Variants in XPNPEP3 observed in about 807,000 individuals in gnomAD.
The protein encoded by XPNPEP3 is xaa-Pro aminopeptidase 3.
In XPNPEP3, 41 loss-of-function variants were observed where a neutral mutation model predicts 60.0. The ratio of observed to expected loss-of-function variants is 0.68; its 90% confidence interval spans 0.53 to 0.89. The LOEUF (loss-of-function observed/expected upper bound fraction) is 0.89, where lower values mean the gene tolerates loss of function less well. XPNPEP3 is among the 40% of genes least tolerant of loss of function. The pLI, the probability that XPNPEP3 is intolerant of heterozygous loss-of-function variation, is 0.00. For missense variants in XPNPEP3, 598 were observed against 638.9 expected, an observed-to-expected ratio of 0.94 and a Z score of 0.69; for synonymous variants, 212 against 223.2, an observed-to-expected ratio of 0.95 and a Z score of 0.45.
chr22:40,888,960 G>A (rs1401632171), intron 4 of XPNPEP3, among the ~76,000 whole-genome samples: 2 of 152,038 alleles, frequency 1.3e-5, no homozygotes, highest in East Asian at 3.9e-4. Context: ...TTTCCCTAAT[G>A]ATTAGTGGTG....
chr22:40,914,495 A>G (rs887334566), intron 7 of XPNPEP3, among the ~76,000 whole-genome samples, 171 bp downstream of exon 7: 4 of 141,834 alleles, frequency 2.8e-5, no homozygotes, highest in Admixed American at 1.4e-4. Context: ...ATATCACTGG[A>G]TGAGGCACAT....
intron 7 of XPNPEP3, among the ~76,000 whole-genome samples, chr22:40,916,052 G>C (rs1028523757): frequency 6.6e-6 from 1 of 152,104 alleles, no homozygotes; most frequent in African/African-American, 2.4e-5. Context: ...TAGCACTTTG[G>C]GGGGCCGAGG....
At position 40,913,131 on chromosome 22, in the gene XPNPEP3, A is replaced by G. The variant is rs549544057; in HGVS notation, c.970-1108A>G. ...ATGACAATTAGAAAGTTAGAGATAT[A>G]CTTAAAGTTTTCTTCTTTCCCCACA... is the stretch of plus-strand genomic sequence containing the variant. On this transcript the variant is annotated intron_variant, in intron 6 of 9. Coordinates refer to ENST00000357137, the MANE Select transcript of XPNPEP3 (RefSeq NM_022098.4). Among the ~76,000 whole-genome samples, 400 of 152,258 alleles carry G rather than the reference A, an allele frequency of 2.6e-3. 1 individual carries two copies. Among genetic ancestry groups the G allele is most frequent in the Non-Finnish European group, 4.8e-3 (326 of 68,018 alleles).
At chr22:40,906,982 AT>A (rs1311089735) in intron 4 of XPNPEP3, 56 of 444,090 alleles carry the variant, frequency 1.3e-4, no homozygotes, top group African/African-American at 1.0e-3. Context: ...ATGGTCACTT[AT>A]CCCATCTATG....
intron 1 of XPNPEP3, chr22:40,861,850 C>T (rs748296592): frequency 6.2e-7 from 1 of 1,613,688 alleles, no homozygotes; most frequent in East Asian, 2.2e-5. Flanking sequence ...GCCTCAGCTA[C>T]TTCTTTGAAT....
At chr22:40,861,384 A>G in intron 1 of XPNPEP3, 1 of 1,613,600 alleles carries the variant, frequency 6.2e-7, no homozygotes. Flanking sequence ...ACTTTCAATA[A>G]TTTTCTTTGT....
At chr22:40,869,357 A>C (rs188722620) in intron 2 of XPNPEP3, among the ~76,000 whole-genome samples, 23 of 152,268 alleles carry the variant, frequency 1.5e-4, no homozygotes, top group African/African-American at 5.3e-4. Flanking sequence ...TGCTTTATTG[A>C]CAATACTAGT....
chr22:40,890,575 CAAAT>C (rs747920242), intron 4 of XPNPEP3, among the ~76,000 whole-genome samples: 1 of 151,854 alleles, frequency 6.6e-6, no homozygotes, highest in African/African-American at 2.4e-5. Flanking sequence ...ATAAAATTAA[CAAAT>C]AAGATGGCTG....
intron 6 of XPNPEP3, 88 bp downstream of exon 6, chr22:40,909,323 T>C: frequency 4.0e-6 from 4 of 1,008,424 alleles, no homozygotes; most frequent in Non-Finnish European, 6.3e-6. Context: ...CACCTTCAGC[T>C]TTCACAAATT....
chr22:40,916,800 C>T (rs1035215667), intron 7 of XPNPEP3, among the ~76,000 whole-genome samples: 5 of 152,136 alleles, frequency 3.3e-5, no homozygotes, highest in African/African-American at 1.2e-4. Context: ...CTTTAAAACA[C>T]AAAGGACAGC....
chr22:40,862,267 C>T, intron 1 of XPNPEP3: 2 of 1,147,662 alleles, frequency 1.7e-6, no homozygotes, highest in African/African-American at 1.6e-5. Context: ...AGAGTCGTAC[C>T]AGACCATCCT....
intron 4 of XPNPEP3, 96 bp downstream of exon 4, chr22:40,886,611 G>A (rs2058069901): frequency 8.8e-7 from 1 of 1,141,264 alleles, no homozygotes; most frequent in East Asian, 2.5e-5. Context: ...GGATCATGAG[G>A]TCAGGAGATC....
chr22:40,909,009 C>T (rs1476434954), intron 5 of XPNPEP3, 113 bp from the exon 6 acceptor site: 1 of 815,936 alleles, frequency 1.2e-6, no homozygotes, highest in Non-Finnish European at 2.1e-6. Context: ...GAATAGCTTC[C>T]CAGTAATGAC....
Position 40,868,930 on chromosome 22 carries a change from A to G in XPNPEP3, c.65-69A>G, listed in dbSNP as rs2057992282. 5.0e-6 allele frequency: 6 copies of G among 1,196,106 alleles called. No individual in the cohort carries two copies. In the South Asian group the frequency reaches 6.1e-5, roughly 12 times the overall value. 74.1% of individuals were successfully genotyped at this position (1,196,106 alleles called of 1,614,324 possible). A position where few individuals can be genotyped will look rare whatever the true frequency, so the allele number is the denominator to read the frequency against. ...CTAAAGCATCTAAACTGCTAGAGAT[A>G]AGTGTATTTATACCATGAAGACTTT... On this transcript the variant is annotated intron_variant, in intron 1 of 9. Transcript: ENST00000357137.
At chr22:40,871,323 A>G (rs1205752021) in intron 2 of XPNPEP3, among the ~76,000 whole-genome samples, 7 of 152,198 alleles carry the variant, frequency 4.6e-5, no homozygotes, top group African/African-American at 1.7e-4. Flanking sequence ...TCTGCACTCC[A>G]TCTTGGGTGA....
At chr22:40,903,631 A>G (rs2058143262) in intron 4 of XPNPEP3, among the ~76,000 whole-genome samples, 1 of 151,958 alleles carries the variant, frequency 6.6e-6, no homozygotes, top group Admixed American at 6.6e-5. Flanking sequence ...CTGGAATTAC[A>G]GGTGCCCGCC....
chr22:40,926,474 G>C lies in XPNPEP3; in HGVS notation c.*39G>C, dbSNP rs777363571. ...CCACATGCACCTCAGGTTCAAAATG[G>C]GTGTCTTCTGGCAGCCCTGCACGTG... is the stretch of plus-strand genomic sequence containing the variant. On this transcript the variant is annotated 3_prime_UTR_variant, in exon 10 of 10. Transcript: ENST00000357137. 18 of 1,611,996 alleles carry C rather than the reference G, an allele frequency of 1.1e-5. No individual in the cohort carries two copies. The Admixed American group carries it at 3.0e-4, about 27-fold the overall frequency.
intron 3 of XPNPEP3, among the ~76,000 whole-genome samples, chr22:40,883,375 G>T (rs2058055973): frequency 6.6e-6 from 1 of 151,330 alleles, no homozygotes; most frequent in African/African-American, 2.4e-5. Context: ...TTTTTTTTAG[G>T]CAGGGTCTCA....
In XPNPEP3 at chr22:40,881,875, C is replaced by T. The variant is rs200817248; in HGVS notation, c.287C>T (p.Thr96Ile). The T allele has an allele frequency of 3.5e-5, 57 of 1,614,064 alleles. No individual in the cohort carries two copies. Among genetic ancestry groups the T allele is most frequent in the African/African-American group, 1.3e-5 (1 of 74,924 alleles). The part of the protein sequence containing the change: ...EAQGQSGTDQ[T>I]VVVLSNPTYY... Reference sequence around the variant, plus strand: ...CAAGGGCAGAGTGGGACAGACCAGACAGTGGTTGTGCTCTCCAACCCTACA... The same window carrying T: ...CAAGGGCAGAGTGGGACAGACCAGATAGTGGTTGTGCTCTCCAACCCTACA... Residue 96 changes from threonine (T) to isoleucine (I), a missense_variant, in exon 3 of 10, where the codon ACA (threonine) becomes ATA (isoleucine). Coordinates refer to ENST00000357137, the MANE Select transcript of XPNPEP3 (RefSeq NM_022098.4).
Sources: gnomAD v4.1 joint callset for allele counts (sites outside exome capture counted in the v4.1 genomes callset) on GRCh38, gnomAD v4.1.1 for gene constraint, MANE v1.5 for transcripts, NCBI Gene and HGNC (gene_info 2026-07-23, HGNC 2026-07-21) for gene names.